KIF20A: variants seen among roughly 807,000 people sequenced by gnomAD.
The protein encoded by KIF20A is kinesin family member 20A, also known as kinesin-like protein KIF20A.
Under a neutral mutation model 113.0 loss-of-function variants are expected in KIF20A, and 66 were observed. That is an observed-to-expected ratio of 0.58 (90% CI 0.48 to 0.72). The LOEUF (loss-of-function observed/expected upper bound fraction) is 0.72. KIF20A is among the 30% of genes least tolerant of loss of function. The pLI, the probability that KIF20A is intolerant of heterozygous loss-of-function variation, is 0.00. For missense variants in KIF20A, 927 were observed against 1,077.6 expected, an observed-to-expected ratio of 0.86 and a Z score of 1.96; for synonymous variants, 376 against 402.3, an observed-to-expected ratio of 0.93 and a Z score of 0.78.
Position 138,179,647 on chromosome 5 carries a change from G to T in KIF20A, c.-21-13G>T, listed in dbSNP as rs757931340. 6.2e-7 allele frequency: 1 copy of T among 1,610,552 alleles called. No homozygotes were observed. The highest frequency in any genetic ancestry group is 8.5e-7 in the Non-Finnish European group (1 of 1,178,960). ...AGGTTCTTCTCCCTGCCCACTTTTT[G>T]GTCTCTTTTTAGACCTAGGCTGCCC... On this transcript the variant is annotated splice_polypyrimidine_tract_variant and intron_variant, in intron 1 of 18. Coordinates refer to ENST00000394894, the MANE Select transcript of KIF20A (RefSeq NM_005733.3).
rs1345684453 is a variant in KIF20A at position 138,182,885 on chromosome 5, AG to A, written c.729del (p.Ser244ValfsTer8). 1 of 1,614,074 alleles carries A rather than the reference AG, an allele frequency of 6.2e-7. No individual in the cohort carries two copies. Among genetic ancestry groups the A allele is most frequent in the East Asian group, 2.2e-5 (1 of 44,888 alleles). On this transcript the variant is annotated frameshift_variant, in exon 7 of 19. Coordinates refer to ENST00000394894, the MANE Select transcript of KIF20A (RefSeq NM_005733.3). LOFTEE classifies it high-confidence loss of function. ...QEEELSTSLK[R>X]SVYIESRIGT... ...GGAGGAGCTGTCCACTTCCTTGAAG[AG>A]GAGTGTCTACATCGAAAGTCGGATA...
In KIF20A at chr5:138,184,563, A is replaced by T; in HGVS notation, c.1570A>T (p.Ile524Phe). Residue 524 changes from isoleucine (I) to phenylalanine (F), a missense_variant, in exon 13 of 19, where the codon ATC becomes TTC. Ile to Phe is a conservative substitution (Grantham distance 21, BLOSUM62 0). Coordinates refer to ENST00000394894, the MANE Select transcript of KIF20A (RefSeq NM_005733.3). ...QLGFPSLHSF[I>F]KEHSLQVSPS... ...GGGATTCCCATCCCTGCACTCGTTC[A>T]TCAAGGAACATAGTCTTCAGGTATC... is the stretch of plus-strand genomic sequence containing the variant. 1 of 1,614,186 alleles carries T rather than the reference A, an allele frequency of 6.2e-7. No individual in the cohort carries two copies. Among genetic ancestry groups the T allele is most frequent in the Non-Finnish European group, 8.5e-7 (1 of 1,180,010 alleles).
Position 138,183,926 on chromosome 5 carries a change from T to A in KIF20A, c.1209-36T>A, listed in dbSNP as rs779536927. ...AAAGGGCCAGAAGGCTCATAACATG[T>A]GAGGCCCTTATGTCAGATCCTGTGC... On this transcript the variant is annotated intron_variant, in intron 10 of 18. Coordinates refer to ENST00000394894, the MANE Select transcript of KIF20A (RefSeq NM_005733.3). The surrounding 1 kb of genome is among the most constrained non-coding windows in gnomAD (Gnocchi z 5.2). The A allele has an allele frequency of 6.2e-7, 1 of 1,613,360 alleles. No individual in the cohort carries two copies. Among genetic ancestry groups the A allele is most frequent in the Admixed American group, 1.7e-5 (1 of 59,960 alleles).
Position 138,186,354 on chromosome 5 carries a change from A to C in KIF20A, c.2278A>C (p.Arg760=), listed in dbSNP as rs771518098. 1.9e-6 allele frequency: 3 copies of C among 1,605,362 alleles called. No individual in the cohort carries two copies. Among genetic ancestry groups the C allele is most frequent in the Admixed American group, 3.6e-5 (2 of 56,050 alleles). ...KLGESLQSAE[R]ACCHSTGAGK... ...TGGTGAGTCTCTCCAATCAGCAGAG[A>C]GAGCTTGTTGCCACAGCACTGGGGC... is the stretch of plus-strand genomic sequence containing the variant. Residue 760 remains arginine (R), a synonymous_variant, in exon 18 of 19, where the codon AGA becomes CGA. Transcript: ENST00000394894.
At chr5:138,185,347 T>C in intron 15 of KIF20A, 150 bp downstream of exon 15, 2 of 852,498 alleles carry the variant, frequency 2.3e-6, no homozygotes, top group Non-Finnish European at 3.8e-6. Flanking sequence ...GTTCAATCTA[T>C]GTTTGGTGAA....
Position 138,183,237 on chromosome 5 carries a change from A to G in KIF20A, c.901A>G (p.Ile301Val), listed in dbSNP as rs2151232951. 6.2e-7 allele frequency: 1 copy of G among 1,614,214 alleles called. No individual in the cohort carries two copies. The highest frequency in any genetic ancestry group is 8.5e-7 in the Non-Finnish European group (1 of 1,180,036). Residue 301 changes from isoleucine (I) to valine (V), a missense_variant, in exon 8 of 19, where the codon ATC becomes GTC. Transcript: ENST00000394894. The surrounding 1 kb of genome is among the most constrained non-coding windows in gnomAD (Gnocchi z 5.2). ...TGTCCCGGCAAACATTCGCTTCTCC[A>G]TCTGGATCTCATTCTTTGAGATCTA... is the stretch of plus-strand genomic sequence containing the variant. ...LPVPANIRFS[I>V]WISFFEIYNE... is the part of the protein sequence containing the mutation.
Position 138,187,328 on chromosome 5 carries a change from C to T in KIF20A, c.2588C>T (p.Ser863Leu). Reference sequence around the variant, plus strand: ...CCCCGAACACCAACCTGCCAAAGCTCAACAGACTGCAGCCCTTATGCCCGG... The same window carrying T: ...CCCCGAACACCAACCTGCCAAAGCTTAACAGACTGCAGCCCTTATGCCCGG... ...LLPRTPTCQS[S>L]TDCSPYARIL... Residue 863 changes from serine to leucine, a missense_variant, in exon 19 of 19, where the codon TCA (serine) becomes TTA (leucine). By Grantham distance (145) the Ser-to-Leu change is moderately radical. Transcript: ENST00000394894. 6.2e-7 allele frequency: 1 copy of T among 1,614,180 alleles called. No individual in the cohort carries two copies. The highest frequency in any genetic ancestry group is 8.5e-7 in the Non-Finnish European group (1 of 1,180,038).
intron 4 of KIF20A, chr5:138,181,931 A>T: frequency 8.1e-6 from 5 of 613,786 alleles, no homozygotes; most frequent in Non-Finnish European, 1.4e-5. Flanking sequence ...TATTATCATT[A>T]TTTCCTTATT....
rs1292228523 is a variant in KIF20A, at chr5:138,183,245, C to A, written c.909C>A (p.Ile303=). 1 of 1,613,888 alleles carries A rather than the reference C, an allele frequency of 6.2e-7. No homozygotes were observed. Among genetic ancestry groups the A allele is most frequent in the East Asian group, 2.2e-5 (1 of 44,862 alleles). ...CAAACATTCGCTTCTCCATCTGGAT[C>A]TCATTCTTTGAGATCTACAACGAAC... ...VPANIRFSIW[I]SFFEIYNELL... The change falls in exon 8 of 19, where the codon ATC becomes ATA. Residue 303 remains isoleucine, a synonymous_variant. Coordinates refer to ENST00000394894, the MANE Select transcript of KIF20A (RefSeq NM_005733.3). This position sits in a 1 kb window ranked among gnomAD's most constrained non-coding sequence, Gnocchi z 5.2.
chr5:138,181,280 G>A (rs2151232227), intron 2 of KIF20A, 142 bp from the exon 3 acceptor site: 1 of 703,698 alleles, frequency 1.4e-6, no homozygotes, highest in Non-Finnish European at 2.5e-6. Context: ...GAATGATTGT[G>A]GAACCAAAGA....
rs1754687491 is a variant in KIF20A at position 138,183,120 on chromosome 5, G to C, written c.833-49G>C. 1.2e-6 allele frequency: 2 copies of C among 1,605,514 alleles called. No individual in the cohort carries two copies. Among genetic ancestry groups the C allele is most frequent in the African/African-American group, 2.7e-5 (2 of 74,854 alleles). Reference sequence around the variant, plus strand: ...TCCAAGGCCCCTGCAGGCCAAAAGAGAGGTGAACTGCTCTAGGTTGATGCC... The same window carrying C: ...TCCAAGGCCCCTGCAGGCCAAAAGACAGGTGAACTGCTCTAGGTTGATGCC... On this transcript the variant is annotated intron_variant, in intron 7 of 18. Coordinates refer to ENST00000394894, the MANE Select transcript of KIF20A (RefSeq NM_005733.3). This position sits in a 1 kb window ranked among gnomAD's most constrained non-coding sequence, Gnocchi z 5.2.
At position 138,183,460 on chromosome 5, in the gene KIF20A, T is replaced by C; in HGVS notation, c.1028-10T>C. The C allele has an allele frequency of 6.2e-7, 1 of 1,613,606 alleles. No individual in the cohort carries two copies. The highest frequency in any genetic ancestry group is 8.5e-7 in the Non-Finnish European group (1 of 1,179,552). On this transcript the variant is annotated splice_polypyrimidine_tract_variant and intron_variant, in intron 8 of 18. Coordinates refer to ENST00000394894, the MANE Select transcript of KIF20A (RefSeq NM_005733.3). The surrounding 1 kb of genome is among the most constrained non-coding windows in gnomAD (Gnocchi z 5.2). ...TGTTCCCATCTTACACCCCTCTCCT[T>C]TGGCCCCAGATCTCAACTGGATTCA... is the stretch of plus-strand genomic sequence containing the variant.
chr5:138,185,752 G>A (rs767890492), intron 16 of KIF20A, 42 bp downstream of exon 16: 1 of 1,602,050 alleles, frequency 6.2e-7, no homozygotes, highest in Non-Finnish European at 8.6e-7. Context: ...GTGGTTCAGG[G>A]AAGAGCTGTT....
At chr5:138,184,445 T>G in intron 12 of KIF20A, 41 bp downstream of exon 12, 1 of 1,612,900 alleles carries the variant, frequency 6.2e-7, no homozygotes, top group African/African-American at 1.3e-5. Flanking sequence ...CACTTGGAAC[T>G]GGTAACTCTA....
chr5:138,185,908 T>G, intron 16 of KIF20A, 53 bp from the exon 17 acceptor site: 2 of 1,523,140 alleles, frequency 1.3e-6, no homozygotes, highest in Non-Finnish European at 1.8e-6. Context: ...AAGAGGTTAG[T>G]CCAAGGCTAA....
rs892561486 is a variant in KIF20A at position 138,184,930 on chromosome 5, C to T, written c.1807C>T (p.Arg603Trp). The T allele has an allele frequency of 6.8e-6, 11 of 1,613,976 alleles. No individual in the cohort carries two copies. The highest frequency in any genetic ancestry group is 4.4e-5 in the South Asian group (4 of 91,076). ...TGAGATGGTAGAACAGATGCAACAG[C>T]GGGAACAGTGGTGCAGGTACTAGCT... is the stretch of plus-strand genomic sequence containing the variant. The part of the protein sequence containing the change: ...CNEMVEQMQQ[R>W]EQWCSEHLDT... Residue 603 changes from arginine (R) to tryptophan (W), a missense_variant, in exon 14 of 19, where the codon CGG (arginine) becomes TGG (tryptophan). Physicochemically the swap from Arg to Trp is moderately radical, Grantham distance 101. Coordinates refer to ENST00000394894, the MANE Select transcript of KIF20A (RefSeq NM_005733.3).
rs749793985 is a variant in KIF20A at position 138,179,821 on chromosome 5, T to C, written c.141T>C (p.Ser47=). ...TGCTATCAGACTGCTCTGTCGTCTC[T>C]ACCTCCCTAGAGGACAAGCAGCAGG... The part of the protein sequence containing the change: ...KNLLSDCSVV[S]TSLEDKQQVP... Residue 47 remains serine (S), a synonymous_variant, in exon 2 of 19, where the codon TCT becomes TCC. Coordinates refer to ENST00000394894, the MANE Select transcript of KIF20A (RefSeq NM_005733.3). 1.7e-5 allele frequency: 27 copies of C among 1,613,958 alleles called. No individual in the cohort carries two copies. The highest frequency in any genetic ancestry group is 5.0e-5 in the Admixed American group (3 of 59,988).
At chr5:138,181,323 G>C (rs2151232238) in intron 2 of KIF20A, 99 bp from the exon 3 acceptor site, 1 of 891,406 alleles carries the variant, frequency 1.1e-6, no homozygotes, top group East Asian at 2.4e-5. Flanking sequence ...GGTGAAATGG[G>C]GTAGTGTTAT....
Position 138,184,419 on chromosome 5 carries a change from G to A in KIF20A, c.1518+15G>A. ...TTGCTAGCCAGGTGAGAAGCTAGAG[G>A]TGTGATGGGTGTGCGCACTTGGAAC... On this transcript the variant is annotated intron_variant, in intron 12 of 18. Transcript: ENST00000394894. The A allele has an allele frequency of 6.2e-7, 1 of 1,614,090 alleles. No homozygotes were observed. Among genetic ancestry groups the A allele is most frequent in the Non-Finnish European group, 8.5e-7 (1 of 1,179,936 alleles).
Sources: gnomAD v4.1 joint callset for allele counts on GRCh38, gnomAD v4.1.1 for gene constraint, Gnocchi (gnomAD v3.1) non-coding constraint, MANE v1.5 for transcripts, NCBI Gene and HGNC (gene_info 2026-07-23, HGNC 2026-07-21) for gene names.